The following ZNF264 variants were observed in gnomAD, a reference collection of about 807,000 sequenced individuals.
ZNF264 encodes the protein zinc finger protein 264.
ZNF264 carries 11 observed loss-of-function variants against 11.2 expected under a neutral mutation model. That is an observed-to-expected ratio of 0.98 (90% CI 0.62 to 1.63). ZNF264 has a LOEUF of 1.63. Ranked by LOEUF, ZNF264 falls within the 40% of genes most tolerant of loss-of-function variation. The pLI is 0.00. For missense variants in ZNF264, 752 were observed against 768.1 expected (o/e 0.98, Z 0.25); for synonymous variants, 309 against 279.8 (o/e 1.10, Z -1.04).
chr19:57,210,033 A>G (rs1463432643), intron 3 of ZNF264, among the ~76,000 whole-genome samples: 7 of 152,134 alleles, frequency 4.6e-5, no homozygotes, highest in Non-Finnish European at 8.8e-5. Context: ...TGAGCCTTCA[A>G]TTGATATAAC....
chr19:57,194,594 C>G (rs1463538944), intron 2 of ZNF264, among the ~76,000 whole-genome samples: 2 of 152,184 alleles, frequency 1.3e-5, no homozygotes, highest in Non-Finnish European at 2.9e-5. Context: ...CAGGAAGCAT[C>G]CAGCATGGGA....
Position 57,212,922 on chromosome 19 carries a change from T to TCTTC in ZNF264, c.1828_1831dup (p.Ser611PhefsTer5). 6.2e-7 allele frequency: 1 copy of TCTTC among 1,614,176 alleles called. No individual in the cohort carries two copies. Among genetic ancestry groups the TCTTC allele is most frequent in the Non-Finnish European group, 8.5e-7 (1 of 1,180,008 alleles). ...GGCAAATATTTTGCCAGAGGAAACA[T>TCTTC]CTTCCTCTGCATCTGATCAACCATA... On this transcript the variant is annotated frameshift_variant, in exon 4 of 4. Transcript: ENST00000263095. LOFTEE classifies it low-confidence loss of function (END_TRUNC).
intron 3 of ZNF264, among the ~76,000 whole-genome samples, chr19:57,207,149 T>G (rs2087298827): frequency 6.6e-6 from 1 of 150,400 alleles, no homozygotes; most frequent in Non-Finnish European, 1.5e-5. Context: ...CCTCCCAAGT[T>G]TCTGTGAATG....
chr19:57,197,550 C>T (rs528514366), intron 2 of ZNF264, among the ~76,000 whole-genome samples: 5 of 152,000 alleles, frequency 3.3e-5, no homozygotes, highest in Admixed American at 1.3e-4. Context: ...GTCTTAGGGG[C>T]CAAGTGGCAG....
At chr19:57,202,494 G>T (rs1338812619) in intron 2 of ZNF264, among the ~76,000 whole-genome samples, 1 of 151,766 alleles carries the variant, frequency 6.6e-6, no homozygotes, top group Non-Finnish European at 1.5e-5. Context: ...TCAGGGTCAG[G>T]CCTCTGACCT....
chr19:57,206,350 T>C (rs548250280), intron 3 of ZNF264, among the ~76,000 whole-genome samples: 2 of 151,652 alleles, frequency 1.3e-5, no homozygotes, highest in African/African-American at 2.4e-5. Flanking sequence ...TTCACGCCAT[T>C]CTCCTGCCTC....
chr19:57,193,448 T>G lies in ZNF264; in HGVS notation c.34-427T>G, dbSNP rs1158051055. 7 of 972,750 alleles carry G rather than the reference T, an allele frequency of 7.2e-6. No homozygotes were observed. In the East Asian group the frequency reaches 6.8e-4, roughly 95 times the overall value. 60.3% of individuals were successfully genotyped at this position (972,750 alleles called of 1,614,324 possible). A position where few individuals can be genotyped will look rare whatever the true frequency, so the allele number is the denominator to read the frequency against. ...AGAGCTGTCAAGTGTCAGTTTCAAG[T>G]GTTTGGAGCTAGGAACTTCTAGTCA... On this transcript the variant is annotated intron_variant, in intron 1 of 3. Coordinates refer to ENST00000263095, the MANE Select transcript of ZNF264 (RefSeq NM_003417.5).
rs771516876 is a variant in ZNF264 at position 57,212,071 on chromosome 19, G to A, written c.974G>A (p.Arg325Gln). Residue 325 changes from arginine to glutamine, a missense_variant, in exon 4 of 4, where the codon CGA becomes CAA. By Grantham distance (43) the Arg-to-Gln change is conservative. Coordinates refer to ENST00000263095, the MANE Select transcript of ZNF264 (RefSeq NM_003417.5). Reference protein sequence around the residue: ...FVCTECGQVFRHRPGFLRHYV... With the variant: ...FVCTECGQVFQHRPGFLRHYV... ...TGCACAGAATGTGGCCAAGTCTTTC[G>A]ACATAGGCCAGGCTTTCTCCGGCAC... The A allele has an allele frequency of 9.9e-6, 16 of 1,613,960 alleles. No homozygotes were observed. In the East Asian group the frequency reaches 1.1e-4, roughly 11 times the overall value.
At chr19:57,193,456 G>T (rs756127252) in intron 1 of ZNF264, 396 of 982,356 alleles carry the variant, frequency 4.0e-4, no homozygotes, top group Non-Finnish European at 4.6e-4. Context: ...AGTGTTTGGA[G>T]CTAGGAACTT....
rs2087370613 is a variant in ZNF264 at position 57,215,105 on chromosome 19, GTTCTC to G, written c.*2129_*2133del. 1 of 152,256 alleles carries G rather than the reference GTTCTC, an allele frequency of 6.6e-6. No individual in the cohort carries two copies. The highest frequency in any genetic ancestry group is 1.5e-5 in the Non-Finnish European group (1 of 68,018). The allele number at this position is 152,256 out of a possible 1,614,324, so 9.4% of individuals were successfully genotyped here. ...GACCTTTCAACATGAATTGGAAGGA[GTTCTC>G]TTCTAATTTTTGGAAGACTGTGTAG... On this transcript the variant is annotated 3_prime_UTR_variant, in exon 4 of 4. Transcript: ENST00000263095.
chr19:57,194,331 C>G (rs2122732913), intron 2 of ZNF264, among the ~76,000 whole-genome samples: 1 of 152,326 alleles, frequency 6.6e-6, no homozygotes, highest in East Asian at 1.9e-4. Flanking sequence ...GCTTCTCTGT[C>G]TGGGTCTGCT....
chr19:57,200,104 T>A (rs1247248676), intron 2 of ZNF264, among the ~76,000 whole-genome samples: 1 of 151,838 alleles, frequency 6.6e-6, no homozygotes, highest in East Asian at 1.9e-4. Flanking sequence ...TGAGTGAGTC[T>A]TATCTCCTGT....
chr19:57,193,565 C>G, intron 1 of ZNF264: 1 of 981,712 alleles, frequency 1.0e-6, no homozygotes, highest in Non-Finnish European at 1.2e-6. Flanking sequence ...ACCATTATTG[C>G]TATTATTACC....
chr19:57,199,726 G>C (rs997959408), intron 2 of ZNF264, among the ~76,000 whole-genome samples: 1 of 151,792 alleles, frequency 6.6e-6, no homozygotes, highest in Non-Finnish European at 1.5e-5. Flanking sequence ...CTCCCCATGG[G>C]TCACACTCTG....
In ZNF264 at chr19:57,212,855, A is replaced by C; in HGVS notation, c.1758A>C (p.Arg586=). 1 of 1,614,220 alleles carries C rather than the reference A, an allele frequency of 6.2e-7. No individual in the cohort carries two copies. The highest frequency in any genetic ancestry group is 8.5e-7 in the Non-Finnish European group (1 of 1,180,038). The change falls in exon 4 of 4, where the codon CGA becomes CGC. Residue 586 remains arginine, a synonymous_variant. Coordinates refer to ENST00000263095, the MANE Select transcript of ZNF264 (RefSeq NM_003417.5). The part of the protein sequence containing the change: ...FTSGQTSVTL[R]ELLLGKDFLN... ...GTGGACAAACCTCAGTTACCCTTCGAGAACTTCTTTTAGGGAAGGACTTTT... is the reference window on the plus strand; with the variant it reads ...GTGGACAAACCTCAGTTACCCTTCGCGAACTTCTTTTAGGGAAGGACTTTT...
chr19:57,206,865 A>G (rs946359481), intron 3 of ZNF264, among the ~76,000 whole-genome samples: 3 of 142,752 alleles, frequency 2.1e-5, no homozygotes, highest in Non-Finnish European at 3.0e-5. Flanking sequence ...TCAGGGTGAC[A>G]TTTGACCTTC....
chr19:57,201,895 G>T (rs2087255976), intron 2 of ZNF264, among the ~76,000 whole-genome samples: 1 of 151,818 alleles, frequency 6.6e-6, no homozygotes, highest in Admixed American at 6.6e-5. Context: ...GAGTCAGCCT[G>T]CTGGGTGCAC....
In ZNF264 at chr19:57,212,081, A is replaced by AGGCTTTCTCC. The variant is rs1289186239; in HGVS notation, c.988_997dup (p.His333LeufsTer11). 3.1e-6 allele frequency: 5 copies of AGGCTTTCTCC among 1,614,184 alleles called. No homozygotes were observed. The East Asian group carries it at 1.1e-4, about 36-fold the overall frequency. The stretch of plus-strand genomic sequence containing the variant: ...GTGGCCAAGTCTTTCGACATAGGCC[A>AGGCTTTCTCC]GGCTTTCTCCGGCACTATGTTGTCC... On this transcript the variant is annotated frameshift_variant, in exon 4 of 4. Coordinates refer to ENST00000263095, the MANE Select transcript of ZNF264 (RefSeq NM_003417.5). LOFTEE classifies it low-confidence loss of function (END_TRUNC).
In ZNF264 at chr19:57,222,422, T is replaced by C. The variant is rs932764424; in HGVS notation, c.*9441T>C. On this transcript the variant is annotated 3_prime_UTR_variant, in exon 4 of 4. Coordinates refer to ENST00000263095, the MANE Select transcript of ZNF264 (RefSeq NM_003417.5). The stretch of plus-strand genomic sequence containing the variant: ...AAATCCTAAGTTACAGTGGAACTTA[T>C]GAACACCCTAGCCTAGAGATTTAAT... The C allele has an allele frequency of 6.6e-6, 1 of 151,400 alleles. No individual in the cohort carries two copies. Among genetic ancestry groups the C allele is most frequent in the Non-Finnish European group, 1.5e-5 (1 of 67,960 alleles). 9.4% of individuals were successfully genotyped at this position (151,400 alleles called of 1,614,324 possible).
Sources: gnomAD v4.1 joint callset for allele counts (sites outside exome capture counted in the v4.1 genomes callset) on GRCh38, gnomAD v4.1.1 for gene constraint, MANE v1.5 for transcripts, NCBI Gene and HGNC (gene_info 2026-07-23, HGNC 2026-07-21) for gene names.